Variants in PTPRT observed in about 807,000 individuals in gnomAD.
The protein encoded by PTPRT is receptor-type tyrosine-protein phosphatase T.
Under a neutral mutation model 176.8 loss-of-function variants are expected in PTPRT, and 56 were observed. That is an observed-to-expected ratio of 0.32 (90% CI 0.26 to 0.40). The LOEUF (loss-of-function observed/expected upper bound fraction) is 0.40. Among genes scored for constraint, PTPRT ranks in the 10% least tolerant of loss-of-function variants. The probability of loss-of-function intolerance (pLI) is 1.00; values close to 1 mark genes in which losing one functional copy is unlikely to be tolerated. For synonymous variants in PTPRT, 783 were observed against 739.0 expected (o/e 1.06, Z -0.96); for missense variants, 1,540 against 1,908.2 (o/e 0.81, Z 3.60).
intron 1 of PTPRT, among the ~76,000 whole-genome samples, chr20:43,053,674 G>A (rs1267200076): frequency 2.6e-5 from 4 of 152,114 alleles, no homozygotes; most frequent in Admixed American, 1.3e-4. Context: ...CTTCCAGACA[G>A]TTCACTCCTT....
rs1292250391 is a variant in PTPRT, at chr20:43,023,114, C to A, written c.89-137182G>T. Among the ~76,000 whole-genome samples the A allele has an allele frequency of 2.0e-5, 3 of 152,124 alleles. No homozygotes were observed. In the East Asian group the frequency reaches 5.8e-4, roughly 29 times the overall value. ...TCTTTATCCTAAGAAATATGAAGGACCAGAAGTATGAATCTGTGCTTGATG... is the reference window on the plus strand; with the variant it reads ...TCTTTATCCTAAGAAATATGAAGGAACAGAAGTATGAATCTGTGCTTGATG... On this transcript the variant is annotated intron_variant, in intron 1 of 30. Transcript: ENST00000373187.
chr20:42,108,939 T>TTGTC (rs1432607925), intron 23 of PTPRT, among the ~76,000 whole-genome samples: 8 of 152,186 alleles, frequency 5.3e-5, no homozygotes, highest in African/African-American at 9.6e-5. Context: ...ACATTTGCCA[T>TTGTC]TGTCTTTCTT....
At chr20:42,084,531 C>G in intron 29 of PTPRT, 151 bp downstream of exon 29, 2 of 603,016 alleles carry the variant, frequency 3.3e-6, no homozygotes, top group Non-Finnish European at 4.9e-6. Context: ...GATCATAATT[C>G]CTTTGAATGT....
chr20:42,300,766 T>TATTATTATTATTATTATA (rs2057454625), intron 12 of PTPRT, among the ~76,000 whole-genome samples: 1 of 148,870 alleles, frequency 6.7e-6, no homozygotes, highest in African/African-American at 2.5e-5. Context: ...GTATTATTAT[T>TATTATTATTATTATTATA]ATTATTATTA....
At chr20:42,401,572 C>T (rs2058907576) in intron 9 of PTPRT, among the ~76,000 whole-genome samples, 1 of 152,066 alleles carries the variant, frequency 6.6e-6, no homozygotes, top group Non-Finnish European at 1.5e-5. Flanking sequence ...CACTGAAGAA[C>T]AAGTGAACAG....
chr20:42,039,698 A>T, the PTPRT span, among the ~76,000 whole-genome samples: 1 of 144,082 alleles, frequency 6.9e-6, no homozygotes, highest in East Asian at 2.0e-4. Flanking sequence ...TTGTGTATAT[A>T]TATAGTAATG....
At chr20:42,762,468 T>C (rs1400149770) in intron 5 of PTPRT, among the ~76,000 whole-genome samples, 1 of 152,192 alleles carries the variant, frequency 6.6e-6, no homozygotes, top group Non-Finnish European at 1.5e-5. Context: ...AACACATGAA[T>C]GGAAAAATTC....
intron 6 of PTPRT, among the ~76,000 whole-genome samples, chr20:42,743,158 C>T (rs990421972): frequency 2.0e-5 from 3 of 152,280 alleles, no homozygotes; most frequent in South Asian, 2.1e-4. Flanking sequence ...ACCACCAGGC[C>T]GCATTCCATC....
At chr20:43,160,283 G>A (rs1180287027) in intron 1 of PTPRT, among the ~76,000 whole-genome samples, 3 of 152,180 alleles carry the variant, frequency 2.0e-5, no homozygotes, top group Non-Finnish European at 4.4e-5. Context: ...TCTGAAAGAA[G>A]TTGACCACGC....
chr20:42,087,730 G>A (rs918897166), intron 27 of PTPRT, among the ~76,000 whole-genome samples: 12 of 151,172 alleles, frequency 7.9e-5, no homozygotes, highest in Admixed American at 1.3e-4. Context: ...AAAATTAGCC[G>A]GGTATGGTGG....
At chr20:42,354,024 A>C (rs2058324192) in intron 9 of PTPRT, among the ~76,000 whole-genome samples, 1 of 152,118 alleles carries the variant, frequency 6.6e-6, no homozygotes, top group African/African-American at 2.4e-5. Flanking sequence ...ACTGCACTTT[A>C]GCCTGGGTGA....
At chr20:42,048,854 T>C in the PTPRT span, among the ~76,000 whole-genome samples, 1 of 152,178 alleles carries the variant, frequency 6.6e-6, no homozygotes, top group Non-Finnish European at 1.5e-5. Context: ...GCACTTTCGC[T>C]CTTATTGCCC....
chr20:42,744,545 G>A (rs747721701), intron 6 of PTPRT, among the ~76,000 whole-genome samples: 7 of 152,300 alleles, frequency 4.6e-5, no homozygotes, highest in African/African-American at 1.7e-4. Context: ...GCCTGTGGGG[G>A]TTTCTAATGG....
chr20:42,064,599 A>T, the PTPRT span, among the ~76,000 whole-genome samples: 1 of 152,166 alleles, frequency 6.6e-6, no homozygotes, highest in Non-Finnish European at 1.5e-5. Context: ...ATGAATAGAG[A>T]AGCTATTTAT....
intron 1 of PTPRT, among the ~76,000 whole-genome samples, chr20:42,984,464 G>A (rs1205651325): frequency 1.3e-5 from 2 of 152,184 alleles, no homozygotes; most frequent in African/African-American, 4.8e-5. Context: ...AAAGATAAGA[G>A]CTTTCTCATT....
chr20:42,118,585 TC>T, intron 20 of PTPRT, 85 bp from the exon 21 acceptor site: 1 of 1,109,562 alleles, frequency 9.0e-7, no homozygotes, highest in Non-Finnish European at 1.3e-6. Context: ...TGGTCAAGTC[TC>T]CACACTGGTG....
chr20:42,085,477 T>C (rs1224310579), intron 28 of PTPRT, among the ~76,000 whole-genome samples: 1 of 152,090 alleles, frequency 6.6e-6, no homozygotes, highest in Admixed American at 6.6e-5. Context: ...CTAAGAAGTT[T>C]TGTCTACACG....
In PTPRT at chr20:42,976,875, G is replaced by A. The variant is rs1224525374; in HGVS notation, c.89-90943C>T. Among the ~76,000 whole-genome samples, 4 of 152,076 alleles carry A rather than the reference G, an allele frequency of 2.6e-5. No individual in the cohort carries two copies. The East Asian group carries it at 7.7e-4, about 29-fold the overall frequency. ...CAAATAACCATTTAGTTACATCTTT[G>A]CCACCTCTGGGAACTGCAATTTTAG... On this transcript the variant is annotated intron_variant, in intron 1 of 30. Coordinates refer to ENST00000373187, the MANE Select transcript of PTPRT (RefSeq NM_007050.6).
chr20:42,775,380 G>A (rs945873083), intron 4 of PTPRT, among the ~76,000 whole-genome samples: 9 of 152,116 alleles, frequency 5.9e-5, no homozygotes, highest in African/African-American at 2.2e-4. Context: ...TCGGGGACAC[G>A]GCCCCACAAG....
Sources: gnomAD v4.1 joint callset for allele counts (sites outside exome capture counted in the v4.1 genomes callset) on GRCh38, gnomAD v4.1.1 for gene constraint, MANE v1.5 for transcripts, NCBI Gene and HGNC (gene_info 2026-07-23, HGNC 2026-07-21) for gene names.